Variants in SP110 observed in about 807,000 individuals in gnomAD.
SP110 encodes SP110 nuclear body protein.
A neutral mutation model predicts 92.7 loss-of-function variants in SP110; 62 were observed. The observed-to-expected ratio is 0.67, with a 90% CI of 0.55 to 0.83. The LOEUF is 0.83. SP110 is among the 40% of genes least tolerant of loss of function. SP110 has a pLI of 0.00. For synonymous variants in SP110, 273 were observed against 305.3 expected (o/e 0.89, Z 1.10); for missense variants, 793 against 863.9 (o/e 0.92, Z 1.03).
intron 14 of SP110, chr2:230,177,228 C>T: frequency 2.4e-6 from 1 of 415,156 alleles, no homozygotes; most frequent in South Asian, 2.2e-5. Flanking sequence ...GTAGAGGATG[C>T]AGGGGAGTGG....
Position 230,211,303 on chromosome 2 carries a change from C to T in SP110, c.751+167G>A, listed in dbSNP as rs769223536. On this transcript the variant is annotated intron_variant, in intron 6 of 18. Transcript: ENST00000258381. The surrounding 1 kb of genome is among the most constrained non-coding windows in gnomAD (Gnocchi z 4.2). ...AGGGACTCTGTATCCATTCAGAGGT[C>T]GGGTCTCCTGCCTGTTCAAGCTCCC... 2.0e-5 allele frequency among the ~76,000 whole-genome samples: 3 copies of T among 152,124 alleles called. No individual in the cohort carries two copies. The highest frequency in any genetic ancestry group is 4.8e-5 in the African/African-American group (2 of 41,418).
chr2:230,220,422 A>C (rs1361039796), upstream of SP110, among the ~76,000 whole-genome samples: 3 of 152,248 alleles, frequency 2.0e-5, no homozygotes, highest in African/African-American at 7.2e-5. Context: ...ACAAAAAAAC[A>C]AAGAGAATGT....
chr2:230,212,352 A>G lies in SP110; in HGVS notation c.662T>C (p.Val221Ala). 6.2e-7 allele frequency: 1 copy of G among 1,610,774 alleles called. No individual in the cohort carries two copies. Among genetic ancestry groups the G allele is most frequent in the Non-Finnish European group, 8.5e-7 (1 of 1,176,890 alleles). ...EEMPSLLTST[V>A]QVASDNLIPQ... ...TCAGCCCCAGTCAGTGTTACCTTGC[A>G]CAGTGCTAGTGAGGAGGCTGGGCAT... Residue 221 changes from valine to alanine, a missense_variant, in exon 5 of 19, where the codon GTG becomes GCG. Val to Ala is a moderately conservative substitution (Grantham distance 64). Transcript: ENST00000258381.
Position 230,216,932 on chromosome 2 carries a change from T to C in SP110, c.-1-4A>G. ...GGCTCTTGTCATGGTGAACATCCTA[T>C]GGAAAGAGGCATGATAAAAAATAGA... On this transcript the variant is annotated splice_region_variant and splice_polypyrimidine_tract_variant and intron_variant, in intron 1 of 18. Transcript: ENST00000258381. The C allele has an allele frequency of 1.9e-6, 3 of 1,612,938 alleles. No individual in the cohort carries two copies. The highest frequency in any genetic ancestry group is 2.2e-5 in the East Asian group (1 of 44,852).
chr2:230,220,013 C>T (rs2045666223), upstream of SP110: 1 of 985,602 alleles, frequency 1.0e-6, no homozygotes. Context: ...AGGGGCCGGG[C>T]TTCCGAGAAA....
Position 230,167,177 on chromosome 2 carries a change from A to G in SP110, c.*1947T>C, listed in dbSNP as rs1200514327. 2.8e-5 allele frequency: 4 copies of G among 142,136 alleles called. No homozygotes were observed. The highest frequency in any genetic ancestry group is 1.1e-4 in the African/African-American group (4 of 37,464). The allele number at this position is 142,136 out of a possible 1,614,324, so 8.8% of individuals were successfully genotyped here. A position where few individuals can be genotyped will look rare whatever the true frequency, so the allele number is the denominator to read the frequency against. Reference sequence around the variant, plus strand: ...GAGTGCAGTGGTGCATTCTTGGCTCACTGCGACCTCTGCCTCCCAGGCTCA... The same window carrying G: ...GAGTGCAGTGGTGCATTCTTGGCTCGCTGCGACCTCTGCCTCCCAGGCTCA... On this transcript the variant is annotated 3_prime_UTR_variant, in exon 19 of 19. Coordinates refer to ENST00000258381, the MANE Select transcript of SP110 (RefSeq NM_080424.4).
At chr2:230,194,801 CT>C (rs1168761471) in intron 10 of SP110, among the ~76,000 whole-genome samples, 1 of 152,208 alleles carries the variant, frequency 6.6e-6, no homozygotes, top group Non-Finnish European at 1.5e-5. Flanking sequence ...TGTCTGATGC[CT>C]CATGTCCACC....
At chr2:230,171,052 T>C in intron 17 of SP110, 3 of 513,326 alleles carry the variant, frequency 5.8e-6, no homozygotes, top group Non-Finnish European at 1.1e-5. Context: ...AGCAAGAAAG[T>C]GGTAGAGCTG....
At chr2:230,171,480 C>G in intron 17 of SP110, 2 of 589,318 alleles carry the variant, frequency 3.4e-6, no homozygotes, top group East Asian at 2.9e-5. Flanking sequence ...GCAACTTGCC[C>G]GGTATCCCAG....
chr2:230,221,607 G>C (rs2045826698), upstream of SP110: 1 of 1,175,546 alleles, frequency 8.5e-7, no homozygotes, highest in Admixed American at 2.0e-5. Flanking sequence ...AGGGTGCATT[G>C]ATGCCTCAGC....
In SP110 at chr2:230,202,676, C is replaced by T; in HGVS notation, c.951G>A (p.Gln317=). 1 of 1,614,154 alleles carries T rather than the reference C, an allele frequency of 6.2e-7. No individual in the cohort carries two copies. The highest frequency in any genetic ancestry group is 2.2e-5 in the East Asian group (1 of 44,888). Residue 317 remains glutamine (Q), a synonymous_variant, in exon 9 of 19, where the codon CAG becomes CAA. Transcript: ENST00000258381. ...GIQKKLKRVD[Q]VPQKKDDSTC... ...TTGAGTCATCTTTCTTTTGAGGAAC[C>T]TGATCCACCCTTTTGAGCTTCTTTT...
intron 16 of SP110, 103 bp downstream of exon 16, chr2:230,171,963 G>A: frequency 1.2e-6 from 1 of 853,798 alleles, no homozygotes; most frequent in Non-Finnish European, 2.0e-6. Flanking sequence ...TTTAAAGGGA[G>A]ACATTGAAGG....
At chr2:230,215,984 A>G (rs2045123627) in intron 2 of SP110, among the ~76,000 whole-genome samples, 1 of 152,184 alleles carries the variant, frequency 6.6e-6, no homozygotes, top group Non-Finnish European at 1.5e-5. Flanking sequence ...ACTAAGACTA[A>G]GGGAAGATTA....
intron 17 of SP110, among the ~76,000 whole-genome samples, chr2:230,171,195 C>A (rs968353215): frequency 6.6e-6 from 1 of 152,158 alleles, no homozygotes; most frequent in Non-Finnish European, 1.5e-5. Context: ...TGGGTTCAAG[C>A]GATTCTCCTG....
chr2:230,207,342 C>T (rs62193103), intron 8 of SP110, among the ~76,000 whole-genome samples: 25,488 of 152,082 alleles, frequency 0.17, 2,548 homozygotes, highest in Middle Eastern at 0.24. Flanking sequence ...GGCTGATAAG[C>T]TGGTTGTGAA....
chr2:230,209,437 T>G (rs2044226721), intron 7 of SP110, among the ~76,000 whole-genome samples: 1 of 152,128 alleles, frequency 6.6e-6, no homozygotes, highest in Admixed American at 6.5e-5. Context: ...ATATTGATGA[T>G]GAGTGAGTGA....
rs1002501579 is a variant in SP110, at chr2:230,177,324, CT to C, written c.1590+213del. 8.1e-6 allele frequency: 5 copies of C among 616,996 alleles called. No individual in the cohort carries two copies. In the African/African-American group the frequency reaches 9.2e-5, roughly 11 times the overall value. 38.2% of individuals were successfully genotyped at this position (616,996 alleles called of 1,614,324 possible). A position where few individuals can be genotyped will look rare whatever the true frequency, so the allele number is the denominator to read the frequency against. On this transcript the variant is annotated intron_variant, in intron 14 of 18. Coordinates refer to ENST00000258381, the MANE Select transcript of SP110 (RefSeq NM_080424.4). ...AGCCCTTTGCCGGCATTTAAAGTTC[CT>C]GTACTCCTTTACTTGCATTTAAAGT...
At chr2:230,222,282 C>T (rs148463970), upstream of SP110, among the ~76,000 whole-genome samples, 155 of 150,536 alleles carry the variant, frequency 1.0e-3, 1 homozygote, top group African/African-American at 4.9e-5. Context: ...AATGGGAAAA[C>T]GTCACCTGTT....
rs780846129 is a variant in SP110, at chr2:230,186,041, C to A, written c.1232G>T (p.Arg411Met). The change falls in exon 11 of 19, where the codon AGG (arginine) becomes ATG (methionine). Residue 411 changes from arginine to methionine, a missense_variant. Coordinates refer to ENST00000258381, the MANE Select transcript of SP110 (RefSeq NM_080424.4). ...ACATTTAGTTCTTGCCTTTTGGACC[C>A]TCATCATGACCTCTGAGTTCCAGGT... ...DSTWNSEVMM[R>M]VQKARTKCAR... 5 of 1,614,008 alleles carry A rather than the reference C, an allele frequency of 3.1e-6. No individual in the cohort carries two copies. In the African/African-American group the frequency reaches 4.0e-5, roughly 13 times the overall value.
Sources: allele counts gnomAD v4.1 joint callset (sites outside exome capture counted in the v4.1 genomes callset), GRCh38; gene constraint gnomAD v4.1.1; non-coding constraint Gnocchi (gnomAD v3.1); transcripts MANE v1.5; gene names NCBI Gene and HGNC (gene_info 2026-07-23, HGNC 2026-07-21).